FAM13A: variants seen among roughly 807,000 people sequenced by gnomAD.
FAM13A encodes family with sequence similarity 13 member A.
In FAM13A, 76 loss-of-function variants were observed where a neutral mutation model predicts 129.6. The ratio of observed to expected loss-of-function variants is 0.59; its 90% CI spans 0.49 to 0.71. The LOEUF (loss-of-function observed/expected upper bound fraction) is 0.71, where lower values mean the gene tolerates loss of function less well. Ranked by LOEUF, FAM13A falls within the 30% of genes least tolerant of loss-of-function variation. The pLI is 0.00. For missense variants in FAM13A, 1,108 were observed against 1,249.3 expected, an observed-to-expected ratio of 0.89 and a Z score of 1.70; for synonymous variants, 443 against 449.9, an observed-to-expected ratio of 0.98 and a Z score of 0.20.
intron 11 of FAM13A, among the ~76,000 whole-genome samples, chr4:88,779,051 TTTTC>T (rs370332397): frequency 4.6e-5 from 7 of 152,186 alleles, no homozygotes; most frequent in African/African-American, 1.7e-4. Context: ...TGCATATTTT[TTTTC>T]TTTCTAGTTG....
At position 88,781,192 on chromosome 4, in the gene FAM13A, C is replaced by T; in HGVS notation, c.1431G>A (p.Glu477=). The stretch of plus-strand genomic sequence containing the variant: ...CAAGACCGTCCTGATTGTCATGAAG[C>T]TCAGAAAGTTTAGTACTGGATTTCT... The part of the protein sequence containing the change: ...KRQKSSTKLS[E]LHDNQDGLVN... Residue 477 remains glutamate (E), a synonymous_variant, in exon 11 of 24, where the codon GAG becomes GAA. Transcript: ENST00000264344. 6.2e-7 allele frequency: 1 copy of T among 1,609,172 alleles called. No homozygotes were observed. The highest frequency in any genetic ancestry group is 1.1e-5 in the South Asian group (1 of 90,156).
At chr4:88,872,398 C>T (rs372003362) in intron 6 of FAM13A, among the ~76,000 whole-genome samples, 8 of 152,200 alleles carry the variant, frequency 5.3e-5, no homozygotes, top group South Asian at 2.1e-4. Flanking sequence ...ACCCATCTCA[C>T]GTGCAGAGAC....
intron 8 of FAM13A, among the ~76,000 whole-genome samples, chr4:88,803,674 T>C (rs564772242): frequency 1.3e-5 from 2 of 152,338 alleles, no homozygotes; most frequent in South Asian, 4.1e-4. Context: ...GCTGATTTGG[T>C]TGGCAGGAAA....
intron 4 of FAM13A, among the ~76,000 whole-genome samples, chr4:88,951,433 G>C (rs1194097896): frequency 6.6e-6 from 1 of 152,050 alleles, no homozygotes; most frequent in African/African-American, 2.4e-5. Context: ...ATATACTCAG[G>C]ATCTTGCTTA....
intron 1 of FAM13A, among the ~76,000 whole-genome samples, chr4:89,030,141 T>G (rs1373513066): frequency 6.6e-6 from 1 of 152,146 alleles, no homozygotes; most frequent in Non-Finnish European, 1.5e-5. Flanking sequence ...GTTCTCTGAT[T>G]TGATTACATC....
At chr4:88,902,617 T>C (rs931859679) in intron 6 of FAM13A, among the ~76,000 whole-genome samples, 1 of 152,038 alleles carries the variant, frequency 6.6e-6, no homozygotes, top group African/African-American at 2.4e-5. Context: ...CTCAAAATAA[T>C]AAGAGCCATA....
intron 5 of FAM13A, among the ~76,000 whole-genome samples, chr4:88,916,077 T>C (rs939984007): frequency 6.6e-6 from 1 of 152,146 alleles, no homozygotes; most frequent in African/African-American, 2.4e-5. Flanking sequence ...AGATTTGAAC[T>C]AGCACACTTA....
At position 88,845,596 on chromosome 4, in the gene FAM13A, T is replaced by TA. The variant is rs1230741960; in HGVS notation, c.1007+5423dup. 5.9e-5 allele frequency among the ~76,000 whole-genome samples: 9 copies of TA among 151,840 alleles called. No individual in the cohort carries two copies. The South Asian group carries it at 6.2e-4, about 11-fold the overall frequency. On this transcript the variant is annotated intron_variant, in intron 7 of 23. Coordinates refer to ENST00000264344, the MANE Select transcript of FAM13A (RefSeq NM_014883.4). ...CCACAATACATTTACTATAATGAATTAAAAAAAATTGAAAAAATGTGTGAG... is the reference window on the plus strand; with the variant it reads ...CCACAATACATTTACTATAATGAATTAAAAAAAAATTGAAAAAATGTGTGAG...
intron 23 of FAM13A, 22 bp from the exon 24 acceptor site, chr4:88,728,681 G>T (rs1344836359): frequency 6.2e-7 from 1 of 1,613,488 alleles, no homozygotes; most frequent in Non-Finnish European, 8.5e-7. Context: ...AAAGGAAAAA[G>T]GGGTCTGAGG....
intron 14 of FAM13A, among the ~76,000 whole-genome samples, chr4:88,756,140 T>C (rs1743576498): frequency 6.6e-6 from 1 of 152,248 alleles, no homozygotes; most frequent in Non-Finnish European, 1.5e-5. Context: ...TGTATATTCA[T>C]TTAACTCTGG....
rs1736692815 is a variant in FAM13A at position 88,727,562 on chromosome 4, G to C, written c.*971C>G. The C allele has an allele frequency of 6.6e-6, 1 of 152,392 alleles. No individual in the cohort carries two copies. The highest frequency in any genetic ancestry group is 1.5e-5 in the Non-Finnish European group (1 of 68,008). The allele number at this position is 152,392 out of a possible 1,614,324, so 9.4% of individuals were successfully genotyped here. A position where few individuals can be genotyped will look rare whatever the true frequency, so the allele number is the denominator to read the frequency against. ...TTTTTTTTAAAAAAATTAAACTCTG[G>C]TAAGTACTCAGGAGGCTGAGAACAC... On this transcript the variant is annotated 3_prime_UTR_variant, in exon 24 of 24. Transcript: ENST00000264344.
At chr4:88,743,310 A>G (rs1335786636) in intron 19 of FAM13A, among the ~76,000 whole-genome samples, 2 of 152,242 alleles carry the variant, frequency 1.3e-5, no homozygotes, top group Non-Finnish European at 1.5e-5. Context: ...GTCTGCCTTT[A>G]TCTTTTGTGA....
intron 3 of FAM13A, among the ~76,000 whole-genome samples, chr4:89,016,956 A>G (rs1004485324): frequency 3.9e-5 from 6 of 152,124 alleles, no homozygotes; most frequent in Non-Finnish European, 7.4e-5. Context: ...CAATTTTTAG[A>G]TATGTTGAGA....
rs151259328 is a variant in FAM13A at position 88,961,647 on chromosome 4, G to A, written c.606-23406C>T. Among the ~76,000 whole-genome samples the A allele has an allele frequency of 4.0e-3, 610 of 152,212 alleles. 6 individuals are homozygous for A. Among genetic ancestry groups the A allele is most frequent in the African/African-American group, 0.014 (579 of 41,528 alleles). On this transcript the variant is annotated intron_variant, in intron 4 of 23. Coordinates refer to ENST00000264344, the MANE Select transcript of FAM13A (RefSeq NM_014883.4). ...CTCCCAGAGTGTTGGGATTACACGC[G>A]TGAGCCACCTTGTCTGGCCAGAACT...
intron 8 of FAM13A, among the ~76,000 whole-genome samples, chr4:88,799,363 A>G (rs998678359): frequency 6.6e-6 from 1 of 152,220 alleles, no homozygotes; most frequent in East Asian, 1.9e-4. Flanking sequence ...AATAAGGACA[A>G]ATTGGAACTG....
intron 8 of FAM13A, among the ~76,000 whole-genome samples, chr4:88,792,063 G>C (rs762224862): frequency 6.6e-6 from 1 of 152,032 alleles, no homozygotes; most frequent in African/African-American, 2.4e-5. Context: ...ATTCAAATTC[G>C]TATTAAATAA....
chr4:88,963,591 C>G (rs1386846668), intron 4 of FAM13A, among the ~76,000 whole-genome samples: 1 of 152,184 alleles, frequency 6.6e-6, no homozygotes, highest in Non-Finnish European at 1.5e-5. Context: ...AGCCACTGCA[C>G]CCAGCCCATT....
intron 6 of FAM13A, among the ~76,000 whole-genome samples, chr4:88,876,584 C>G (rs561779779): frequency 1.6e-4 from 25 of 152,084 alleles, no homozygotes; most frequent in African/African-American, 5.5e-4. Flanking sequence ...CACCTACCCC[C>G]TGGTCACATC....
chr4:88,945,988 GTGTA>G (rs1326570084), intron 4 of FAM13A, among the ~76,000 whole-genome samples: 1 of 13,676 alleles, frequency 7.3e-5, no homozygotes, highest in African/African-American at 3.3e-4. Context: ...GTGTGTGTGT[GTGTA>G]TATATATATA....
Sources: gnomAD v4.1 joint callset for allele counts (sites outside exome capture counted in the v4.1 genomes callset) on GRCh38, gnomAD v4.1.1 for gene constraint, MANE v1.5 for transcripts, NCBI Gene and HGNC (gene_info 2026-07-23, HGNC 2026-07-21) for gene names.